Variants in DHRSX observed in about 807,000 individuals in gnomAD.
The protein encoded by DHRSX is dehydrogenase/reductase X-linked.
Under a neutral mutation model 34.0 loss-of-function variants are expected in DHRSX, and 31 were observed. The observed-to-expected ratio is 0.91, with a 90% CI of 0.69 to 1.23. DHRSX has a LOEUF of 1.23. DHRSX is among the 50% of genes most tolerant of loss of function. The pLI, the probability that DHRSX is intolerant of heterozygous loss-of-function variation, is 0.00. For missense variants in DHRSX, 414 were observed against 428.1 expected (o/e 0.97, Z 0.29); for synonymous variants, 201 against 183.8 (o/e 1.09, Z -0.76).
intron 4 of DHRSX, among the ~76,000 whole-genome samples, chrX:2,283,997 AATTC>A (rs201923772): frequency 1.5e-5 from 2 of 129,840 alleles, no homozygotes; most frequent in African/African-American, 3.5e-5. Context: ...CATTCCTTTG[AATTC>A]ATTCATTCAT....
intron 5 of DHRSX, among the ~76,000 whole-genome samples, chrX:2,253,977 C>T (rs1303337119): frequency 6.6e-6 from 1 of 152,008 alleles, no homozygotes; most frequent in Non-Finnish European, 1.5e-5. Context: ...AGGAGAATGG[C>T]GTGAACCCGG....
At chrX:2,419,737 A>G (rs1002220040) in intron 2 of DHRSX, among the ~76,000 whole-genome samples, 3 of 144,972 alleles carry the variant, frequency 2.1e-5, no homozygotes, top group African/African-American at 7.7e-5. Context: ...CAAACACCGC[A>G]TGTTCTCACT....
intron 3 of DHRSX, among the ~76,000 whole-genome samples, chrX:2,378,354 G>A (rs1046713507): frequency 5.3e-5 from 8 of 152,174 alleles, no homozygotes; most frequent in African/African-American, 1.9e-4. Flanking sequence ...CCCTATGACA[G>A]TGGACCCTTG....
intron 1 of DHRSX, among the ~76,000 whole-genome samples, chrX:2,428,234 A>G (rs2043873397): frequency 1.3e-5 from 2 of 152,194 alleles, no homozygotes; most frequent in South Asian, 4.1e-4. Flanking sequence ...ACACAAGTGT[A>G]CTCATACCCA....
At chrX:2,328,406 A>G (rs1184830786) in intron 3 of DHRSX, among the ~76,000 whole-genome samples, 1 of 151,972 alleles carries the variant, frequency 6.6e-6, no homozygotes, top group Non-Finnish European at 1.5e-5. Context: ...CAAGCCCAGG[A>G]GAGAGGCCTC....
At chrX:2,268,068 C>T (rs1185904785) in intron 4 of DHRSX, among the ~76,000 whole-genome samples, 3 of 152,184 alleles carry the variant, frequency 2.0e-5, no homozygotes, top group Admixed American at 6.5e-5. Context: ...TGTCCTCACC[C>T]CTAGACCACA....
At chrX:2,499,303 A>G (rs1319006217) in intron 1 of DHRSX, among the ~76,000 whole-genome samples, 1 of 152,204 alleles carries the variant, frequency 6.6e-6, no homozygotes, top group Non-Finnish European at 1.5e-5. Flanking sequence ...CTTAGGCTGG[A>G]CATTTAAGAC....
chrX:2,371,450 CTA>C (rs2043065464), intron 3 of DHRSX, among the ~76,000 whole-genome samples: 2 of 151,196 alleles, frequency 1.3e-5, no homozygotes, highest in African/African-American at 4.9e-5. Context: ...CCTTTCGTTA[CTA>C]TAGTCCCTCC....
rs747681043 is a variant in DHRSX at position 2,239,515 on chromosome X, G to A, written c.804+3508C>T. Among the ~76,000 whole-genome samples the A allele has an allele frequency of 6.5e-3, 984 of 152,110 alleles. 5 individuals carry two copies. Among genetic ancestry groups the A allele is most frequent in the Non-Finnish European group, 7.7e-3 (525 of 68,016 alleles). The stretch of plus-strand genomic sequence containing the variant: ...CTCACGCCTGTAATCCCAACACTTT[G>A]AGAGGCCGAGGCAGGTGGATCACGA... On this transcript the variant is annotated intron_variant, in intron 6 of 6. Coordinates refer to ENST00000334651, the MANE Select transcript of DHRSX (RefSeq NM_145177.3).
chrX:2,245,914 A>G (rs1343314402), intron 5 of DHRSX, among the ~76,000 whole-genome samples: 1 of 144,556 alleles, frequency 6.9e-6, no homozygotes, highest in African/African-American at 2.5e-5. Flanking sequence ...GTGAGCTGAG[A>G]TTGTACCACT....
rs370049376 is a variant in DHRSX at position 2,484,623 on chromosome X, C to T, written c.109+16194G>A. Among the ~76,000 whole-genome samples, 391 of 152,286 alleles carry T rather than the reference C, an allele frequency of 2.6e-3. 8 individuals carry two copies. In the South Asian group the frequency reaches 0.057, roughly 22 times the overall value. ...CTGCAGACGGTCCTGTGAGAGTTTG[C>T]ATTCTCTGTTCACCAGGCAGGGGCA... On this transcript the variant is annotated intron_variant, in intron 1 of 6. Transcript: ENST00000334651.
chrX:2,270,210 T>A (rs2041531378), intron 4 of DHRSX, among the ~76,000 whole-genome samples: 1 of 152,162 alleles, frequency 6.6e-6, no homozygotes, highest in African/African-American at 2.4e-5. Flanking sequence ...CCTGTGTTTG[T>A]GTACACAGTC....
chrX:2,403,103 G>A (rs866196082), intron 3 of DHRSX, among the ~76,000 whole-genome samples: 64 of 151,894 alleles, frequency 4.2e-4, no homozygotes, highest in Non-Finnish European at 5.7e-4. Flanking sequence ...GGCTGGTCTC[G>A]AACTCCTGAC....
chrX:2,221,356 G>T, intron 6 of DHRSX, 127 bp from the exon 7 acceptor site: 1 of 986,104 alleles, frequency 1.0e-6, no homozygotes, highest in Non-Finnish European at 1.5e-6. Flanking sequence ...AGAAATGTAT[G>T]CAAAAAGCGA....
chrX:2,261,151 C>T (rs1279038598), intron 5 of DHRSX, among the ~76,000 whole-genome samples: 1 of 151,244 alleles, frequency 6.6e-6, no homozygotes, highest in African/African-American at 2.4e-5. Context: ...CGGAGGTTGC[C>T]GTGAGCCAAG....
At chrX:2,299,759 G>C (rs1227596472) in intron 3 of DHRSX, among the ~76,000 whole-genome samples, 2 of 151,982 alleles carry the variant, frequency 1.3e-5, no homozygotes, top group Non-Finnish European at 1.5e-5. Flanking sequence ...GGAGGCTGAG[G>C]CAGGACAATC....
chrX:2,370,166 G>A (rs1296893969), intron 3 of DHRSX, among the ~76,000 whole-genome samples: 2 of 145,390 alleles, frequency 1.4e-5, no homozygotes, highest in Admixed American at 1.4e-4. Flanking sequence ...CCAGTTTGAG[G>A]AGTCCCAGTT....
intron 1 of DHRSX, among the ~76,000 whole-genome samples, chrX:2,485,749 GGGAAGGAAGGGAGAGAA>G (rs1441135702): frequency 3.5e-5 from 2 of 56,766 alleles, no homozygotes; most frequent in South Asian, 8.6e-4. Context: ...AGAGAAGGGA[GGGAAGGAAGGGAGAGAA>G]GGAAGGAAGG....
chrX:2,351,300 C>T (rs2042786261), intron 3 of DHRSX, among the ~76,000 whole-genome samples: 1 of 152,202 alleles, frequency 6.6e-6, no homozygotes, highest in Non-Finnish European at 1.5e-5. Context: ...TACATCGTAA[C>T]ATTCAAAATG....
Sources: gnomAD v4.1 joint callset for allele counts (sites outside exome capture counted in the v4.1 genomes callset) on GRCh38, gnomAD v4.1.1 for gene constraint, MANE v1.5 for transcripts, NCBI Gene and HGNC (gene_info 2026-07-23, HGNC 2026-07-21) for gene names.